NXPH2: variants seen among roughly 807,000 people sequenced by gnomAD.
NXPH2 encodes neurexophilin 2, also known as neurexophilin-2.
Under a neutral mutation model 19.8 loss-of-function variants are expected in NXPH2, and 5 were observed. The ratio of observed to expected loss-of-function variants is 0.25; its 90% CI spans 0.13 to 0.53. The LOEUF (loss-of-function observed/expected upper bound fraction) is 0.53, where lower values mean the gene tolerates loss of function less well. NXPH2 is among the 20% of genes least tolerant of loss of function. The pLI is 0.96. For synonymous variants in NXPH2, 154 were observed against 127.4 expected (o/e 1.21, Z -1.41); for missense variants, 289 against 322.8 (o/e 0.90, Z 0.80).
rs1301180223 is a variant in NXPH2, at chr2:138,671,398, T to A, written c.319A>T (p.Lys107Ter). ...TKRRPIVKTGKFKKMFGWGDF... is the reference protein window; with the variant it reads ...TKRRPIVKTG ...CCCCATCCAAACATTTTCTTAAATT[T>A]TCCTGTTTTTACTATTGGCCTCCGT... The change falls in exon 2 of 2, where the codon AAA (lysine) becomes TAA (stop). Residue 107 changes from lysine (K) to a stop codon, truncating the protein, a stop_gained. Transcript: ENST00000272641. LOFTEE classifies it high-confidence loss of function. 1 of 1,613,930 alleles carries A rather than the reference T, an allele frequency of 6.2e-7. No homozygotes were observed. Among genetic ancestry groups the A allele is most frequent in the East Asian group, 2.2e-5 (1 of 44,894 alleles).
At chr2:138,705,437 A>T (rs976097749) in intron 1 of NXPH2, among the ~76,000 whole-genome samples, 1 of 152,166 alleles carries the variant, frequency 6.6e-6, no homozygotes, top group Non-Finnish European at 1.5e-5. Context: ...AAACAATAAC[A>T]TGTAGTACTA....
At chr2:138,739,664 A>T (rs1681613247) in intron 1 of NXPH2, among the ~76,000 whole-genome samples, 1 of 152,156 alleles carries the variant, frequency 6.6e-6, no homozygotes, top group Non-Finnish European at 1.5e-5. Context: ...TTTCCTCTGC[A>T]GTTTAGTTGA....
intron 1 of NXPH2, among the ~76,000 whole-genome samples, chr2:138,723,919 T>C (rs989136946): frequency 7.3e-6 from 1 of 136,820 alleles, no homozygotes; most frequent in Non-Finnish European, 1.5e-5. Flanking sequence ...TCCTAAACCA[T>C]TCGGGTCATA....
chr2:138,752,958 G>A (rs911653614), intron 1 of NXPH2, among the ~76,000 whole-genome samples: 6 of 152,104 alleles, frequency 3.9e-5, no homozygotes, highest in Middle Eastern at 6.3e-3. Context: ...ATGACATTAC[G>A]TTAATTTTAA....
At chr2:138,745,611 A>G (rs1224544709) in intron 1 of NXPH2, among the ~76,000 whole-genome samples, 2 of 152,214 alleles carry the variant, frequency 1.3e-5, no homozygotes, top group Admixed American at 6.5e-5. Flanking sequence ...AAGAGCATCA[A>G]TAAGAGAATC....
chr2:138,756,278 C>A (rs1573979594), intron 1 of NXPH2, among the ~76,000 whole-genome samples: 1 of 151,996 alleles, frequency 6.6e-6, no homozygotes, highest in African/African-American at 2.4e-5. Flanking sequence ...TAATGCCAAT[C>A]TTTCACTGTT....
intron 1 of NXPH2, among the ~76,000 whole-genome samples, chr2:138,685,715 T>C (rs1680639556): frequency 6.6e-6 from 1 of 152,192 alleles, no homozygotes; most frequent in African/African-American, 2.4e-5. Context: ...ATTGCTTTCA[T>C]AACACTACAA....
At chr2:138,690,566 C>T (rs1680731531) in intron 1 of NXPH2, among the ~76,000 whole-genome samples, 1 of 146,588 alleles carries the variant, frequency 6.8e-6, no homozygotes, top group Non-Finnish European at 1.5e-5. Flanking sequence ...GACTTTCTCT[C>T]AAAAAACTCA....
chr2:138,679,287 A>G (rs1227778140), intron 1 of NXPH2, among the ~76,000 whole-genome samples: 1 of 152,170 alleles, frequency 6.6e-6, no homozygotes, highest in Non-Finnish European at 1.5e-5. Context: ...GAGAAGAGAT[A>G]TTGCCACCAC....
chr2:138,727,367 A>G (rs72988943), intron 1 of NXPH2, among the ~76,000 whole-genome samples: 3 of 152,258 alleles, frequency 2.0e-5, no homozygotes, highest in East Asian at 1.9e-4. Flanking sequence ...GAAAATTCCT[A>G]TTGTTCAACA....
At chr2:138,745,128 G>A (rs1681705215) in intron 1 of NXPH2, among the ~76,000 whole-genome samples, 1 of 152,158 alleles carries the variant, frequency 6.6e-6, no homozygotes. Flanking sequence ...TTTCTTGGTT[G>A]CAGCTGTAGC....
At chr2:138,689,481 G>A (rs917136839) in intron 1 of NXPH2, among the ~76,000 whole-genome samples, 2 of 152,146 alleles carry the variant, frequency 1.3e-5, no homozygotes, top group African/African-American at 4.8e-5. Context: ...GGGACAATTA[G>A]CAAAGCATCC....
chr2:138,693,665 C>T (rs181340227), intron 1 of NXPH2, among the ~76,000 whole-genome samples: 3 of 151,860 alleles, frequency 2.0e-5, no homozygotes, highest in African/African-American at 7.2e-5. Context: ...GCAGGGATGT[C>T]CAGCATTAGC....
intron 1 of NXPH2, among the ~76,000 whole-genome samples, chr2:138,749,308 G>A (rs992679954): frequency 1.3e-5 from 2 of 152,084 alleles, no homozygotes; most frequent in Non-Finnish European, 2.9e-5. Context: ...ATGGAACTTT[G>A]AGTCAATTAA....
intron 1 of NXPH2, among the ~76,000 whole-genome samples, chr2:138,700,119 C>T: frequency 6.6e-6 from 1 of 152,126 alleles, no homozygotes; most frequent in Non-Finnish European, 1.5e-5. Context: ...AGCAACGAAT[C>T]CAAGTTCCCT....
intron 1 of NXPH2, among the ~76,000 whole-genome samples, chr2:138,730,174 A>G (rs1681425734): frequency 1.3e-5 from 2 of 150,414 alleles, no homozygotes; most frequent in South Asian, 4.4e-4. Flanking sequence ...TTTTTAACCT[A>G]AAGTTCCCCC....
intron 1 of NXPH2, among the ~76,000 whole-genome samples, chr2:138,680,409 AT>A (rs1680555367): frequency 6.6e-6 from 1 of 152,180 alleles, no homozygotes; most frequent in Admixed American, 6.5e-5. Flanking sequence ...GTATGAGTTC[AT>A]TTTTTTAAAC....
intron 1 of NXPH2, among the ~76,000 whole-genome samples, chr2:138,745,503 G>T (rs974501831): frequency 2.3e-4 from 33 of 146,026 alleles, no homozygotes; most frequent in Non-Finnish European, 4.0e-4. Flanking sequence ...CGGGGGGGGG[G>T]GGGTGTTGTT....
At chr2:138,717,819 T>G (rs1356370217) in intron 1 of NXPH2, among the ~76,000 whole-genome samples, 1 of 152,156 alleles carries the variant, frequency 6.6e-6, no homozygotes, top group Admixed American at 6.5e-5. Context: ...AAATTCTAAA[T>G]ATTATCCTTA....
Sources: allele counts gnomAD v4.1 joint callset (sites outside exome capture counted in the v4.1 genomes callset), GRCh38; gene constraint gnomAD v4.1.1; transcripts MANE v1.5; gene names NCBI Gene and HGNC (gene_info 2026-07-23, HGNC 2026-07-21).